The following GPR158 variants were observed in gnomAD, a reference collection of about 807,000 sequenced individuals.
GPR158 encodes the protein metabotropic glycine receptor.
Under a neutral mutation model 78.2 loss-of-function variants are expected in GPR158, and 30 were observed. The ratio of observed to expected loss-of-function variants is 0.38; its 90% CI spans 0.29 to 0.52. The LOEUF (loss-of-function observed/expected upper bound fraction) is 0.52, where lower values mean the gene tolerates loss of function less well. Ranked by LOEUF, GPR158 falls within the 20% of genes least tolerant of loss-of-function variation. The pLI, the probability that GPR158 is intolerant of heterozygous loss-of-function variation, is 0.83. For synonymous variants in GPR158, 581 were observed against 591.1 expected (o/e 0.98, Z 0.25); for missense variants, 1,463 against 1,523.5 (o/e 0.96, Z 0.66).
intron 5 of GPR158, among the ~76,000 whole-genome samples, chr10:25,490,903 A>C (rs1468548309): frequency 1.3e-5 from 2 of 152,320 alleles, no homozygotes; most frequent in African/African-American, 4.8e-5. Flanking sequence ...ACCCAACAGT[A>C]CTACTTCTAA....
At chr10:25,576,945 G>T (rs555297168) in intron 7 of GPR158, among the ~76,000 whole-genome samples, 1 of 139,838 alleles carries the variant, frequency 7.2e-6, no homozygotes, top group African/African-American at 2.8e-5. Flanking sequence ...CCCAAAGTGT[G>T]CTCATCCCAT....
intron 2 of GPR158, among the ~76,000 whole-genome samples, chr10:25,374,018 G>C (rs918738182): frequency 6.6e-6 from 1 of 151,592 alleles, no homozygotes. Flanking sequence ...GCAAAAAAAT[G>C]TATTAAATCC....
intron 2 of GPR158, among the ~76,000 whole-genome samples, chr10:25,241,300 T>TTTC (rs1853616929): frequency 3.0e-5 from 4 of 134,440 alleles, no homozygotes; most frequent in African/African-American, 9.8e-5. Flanking sequence ...TTTTCTTTTC[T>TTTC]TTTCTTTTCT....
chr10:25,411,180 C>T (rs995401854), intron 3 of GPR158, among the ~76,000 whole-genome samples: 3 of 150,938 alleles, frequency 2.0e-5, no homozygotes, highest in Non-Finnish European at 3.0e-5. Flanking sequence ...ATAATCTTTA[C>T]CTGTAGGGCT....
chr10:25,572,724 G>A lies in GPR158; in HGVS notation c.1590G>A (p.Leu530=). 1 of 1,613,978 alleles carries A rather than the reference G, an allele frequency of 6.2e-7. No individual in the cohort carries two copies. The highest frequency in any genetic ancestry group is 8.5e-7 in the Non-Finnish European group (1 of 1,179,848). Residue 530 remains leucine, a synonymous_variant, in exon 7 of 11, where the codon CTG becomes CTA. Transcript: ENST00000376351. ...CTGGCGGACGGGTCATGAGGATGCT[G>A]GCAGTAATACTCTTGGTAGTGTTTT... is the stretch of plus-strand genomic sequence containing the variant. ...YMTGGRVMRM[L]AVILLVVFWF...
intron 2 of GPR158, 85 bp from the exon 3 acceptor site, chr10:25,395,826 C>G: frequency 1.7e-6 from 1 of 583,838 alleles, no homozygotes; most frequent in Non-Finnish European, 3.1e-6. Flanking sequence ...TTTTCTGTTA[C>G]CATTTGCAAT....
At chr10:25,179,027 A>G (rs1252261129) in intron 1 of GPR158, among the ~76,000 whole-genome samples, 1 of 152,220 alleles carries the variant, frequency 6.6e-6, no homozygotes, top group Non-Finnish European at 1.5e-5. Flanking sequence ...ACAACCAAAA[A>G]AATTAGCCCA....
intron 1 of GPR158, among the ~76,000 whole-genome samples, chr10:25,195,229 G>A (rs866587425): frequency 3.4e-4 from 51 of 149,150 alleles, no homozygotes; most frequent in African/African-American, 1.2e-3. Flanking sequence ...TTTTTGAGAC[G>A]GAATCTCACT....
intron 2 of GPR158, among the ~76,000 whole-genome samples, chr10:25,364,913 G>A (rs546474802): frequency 1.3e-4 from 20 of 151,736 alleles, no homozygotes; most frequent in Non-Finnish European, 2.4e-4. Context: ...GAGTGTGTCC[G>A]CACACTTTGA....
chr10:25,369,632 T>C (rs1362046102), intron 2 of GPR158, among the ~76,000 whole-genome samples: 2 of 151,876 alleles, frequency 1.3e-5, no homozygotes, highest in African/African-American at 2.4e-5. Context: ...AAATTCTCTT[T>C]TTTGGTTGTG....
At chr10:25,388,928 A>C (rs1834257062) in intron 2 of GPR158, among the ~76,000 whole-genome samples, 1 of 152,200 alleles carries the variant, frequency 6.6e-6, no homozygotes, top group South Asian at 2.1e-4. Context: ...GCAACCTGAC[A>C]GGGTGTGTGC....
chr10:25,505,424 A>C (rs1417948703), intron 5 of GPR158, among the ~76,000 whole-genome samples: 2 of 152,140 alleles, frequency 1.3e-5, no homozygotes, highest in Non-Finnish European at 2.9e-5. Context: ...CTCTGGGTCC[A>C]CCTCGGTGTC....
At chr10:25,583,239 G>A (rs1339903194) in intron 7 of GPR158, among the ~76,000 whole-genome samples, 3 of 151,974 alleles carry the variant, frequency 2.0e-5, no homozygotes, top group South Asian at 2.1e-4. Context: ...CTCTATCTCG[G>A]AGCTGAATCA....
chr10:25,357,192 T>G (rs1166666242), intron 2 of GPR158, among the ~76,000 whole-genome samples: 1 of 152,098 alleles, frequency 6.6e-6, no homozygotes, highest in African/African-American at 2.4e-5. Context: ...ATTCAACAGG[T>G]GACTTGAGTC....
chr10:25,582,682 A>G (rs534795088), intron 7 of GPR158, among the ~76,000 whole-genome samples: 3 of 152,320 alleles, frequency 2.0e-5, no homozygotes, highest in Admixed American at 2.0e-4. Flanking sequence ...CCCAAGCTTG[A>G]CATCTCAGCA....
At chr10:25,507,658 AT>A (rs1162395800) in intron 5 of GPR158, among the ~76,000 whole-genome samples, 1 of 152,246 alleles carries the variant, frequency 6.6e-6, no homozygotes, top group Non-Finnish European at 1.5e-5. Flanking sequence ...CTTTTAAAAA[AT>A]TTAATGACAT....
At chr10:25,495,295 C>CCTTT (rs765331761) in intron 5 of GPR158, among the ~76,000 whole-genome samples, 3 of 91,096 alleles carry the variant, frequency 3.3e-5, no homozygotes, top group South Asian at 4.4e-4. Flanking sequence ...TTCTTTTCTG[C>CCTTT]TTTTTTTTTT....
At chr10:25,236,835 A>T (rs1041223620) in intron 2 of GPR158, among the ~76,000 whole-genome samples, 1 of 152,102 alleles carries the variant, frequency 6.6e-6, no homozygotes, top group East Asian at 1.9e-4. Context: ...GGTTGCTATT[A>T]ATTACAATAA....
At chr10:25,453,946 T>C (rs1412480317) in intron 4 of GPR158, among the ~76,000 whole-genome samples, 1 of 152,196 alleles carries the variant, frequency 6.6e-6, no homozygotes, top group Non-Finnish European at 1.5e-5. Context: ...TTTTTGGATT[T>C]TGTTTCTATT....
Sources: allele counts gnomAD v4.1 joint callset (sites outside exome capture counted in the v4.1 genomes callset), GRCh38; gene constraint gnomAD v4.1.1; transcripts MANE v1.5; gene names NCBI Gene and HGNC (gene_info 2026-07-23, HGNC 2026-07-21).